The following AGBL1 variants were observed in gnomAD, a reference collection of about 807,000 sequenced individuals.
AGBL1 encodes the protein cytosolic carboxypeptidase 4.
A neutral mutation model predicts 118.9 loss-of-function variants in AGBL1; 130 were observed. The ratio of observed to expected loss-of-function variants is 1.09; its 90% confidence interval spans 0.95 to 1.26. The LOEUF is 1.26. Ranked by LOEUF, AGBL1 falls within the 50% of genes most tolerant of loss-of-function variation. The pLI is 0.00. For synonymous variants in AGBL1, 555 were observed against 478.9 expected (o/e 1.16, Z -2.08); for missense variants, 1,584 against 1,298.1 (o/e 1.22, Z -3.38).
At chr15:86,298,746 A>T (rs1336721675) in intron 17 of AGBL1, among the ~76,000 whole-genome samples, 1 of 152,080 alleles carries the variant, frequency 6.6e-6, no homozygotes, top group Non-Finnish European at 1.5e-5. Context: ...AGGAGGCATG[A>T]GTGGAAATAA....
rs2078440838 is a variant in AGBL1 at position 86,230,630 on chromosome 15, A to G, written c.526+5679A>G. Among the ~76,000 whole-genome samples, 5 of 152,346 alleles carry G rather than the reference A, an allele frequency of 3.3e-5. 1 individual carries two copies. In the South Asian group the frequency reaches 1.0e-3, roughly 32 times the overall value. ...TTCCTTTAGTTTCCAGATGAGGGCC[A>G]TGGAGTCAGACTACGAGAACTGGAA... On this transcript the variant is annotated intron_variant, in intron 6 of 22. Coordinates refer to ENST00000614907, the MANE Select transcript of AGBL1 (RefSeq NM_001386094.1).
At chr15:86,286,700 T>C (rs1397978547) in intron 16 of AGBL1, among the ~76,000 whole-genome samples, 1 of 148,952 alleles carries the variant, frequency 6.7e-6, no homozygotes, top group Non-Finnish European at 1.5e-5. Flanking sequence ...TATATATGTG[T>C]GTGTGTATAT....
intron 22 of AGBL1, among the ~76,000 whole-genome samples, chr15:86,828,802 A>G (rs781697097): frequency 2.6e-5 from 4 of 151,914 alleles, no homozygotes; most frequent in African/African-American, 4.8e-5. Flanking sequence ...CATTAGTATC[A>G]GCAAAAAGGA....
intron 5 of AGBL1, among the ~76,000 whole-genome samples, chr15:86,206,829 T>C (rs2078001348): frequency 2.0e-5 from 3 of 152,216 alleles, no homozygotes. Flanking sequence ...ATCCCATGTG[T>C]CTATTTTGGC....
intron 22 of AGBL1, among the ~76,000 whole-genome samples, chr15:86,747,586 G>C (rs56654055): frequency 6.6e-6 from 1 of 151,832 alleles, no homozygotes; most frequent in African/African-American, 2.4e-5. Context: ...CCATTAACTC[G>C]TCATTTACAT....
At chr15:86,195,942 G>T (rs564952922) in intron 5 of AGBL1, among the ~76,000 whole-genome samples, 1 of 152,280 alleles carries the variant, frequency 6.6e-6, no homozygotes, top group South Asian at 2.1e-4. Context: ...TTTTGTTGAG[G>T]ATCATAAGAC....
At chr15:86,364,567 G>A (rs528346466) in intron 17 of AGBL1, among the ~76,000 whole-genome samples, 2 of 152,112 alleles carry the variant, frequency 1.3e-5, no homozygotes, top group South Asian at 2.1e-4. Context: ...CACATGTTGT[G>A]TTAGAAAATA....
At chr15:86,553,562 A>C (rs2083691381) in intron 20 of AGBL1, among the ~76,000 whole-genome samples, 1 of 152,200 alleles carries the variant, frequency 6.6e-6, no homozygotes, top group African/African-American at 2.4e-5. Flanking sequence ...GAAAGAAGTG[A>C]ACTATATGTG....
chr15:86,444,403 T>C (rs777030708), intron 18 of AGBL1, among the ~76,000 whole-genome samples: 7 of 152,150 alleles, frequency 4.6e-5, no homozygotes, highest in Non-Finnish European at 1.0e-4. Flanking sequence ...CACTCAGCTA[T>C]TGCATGATGG....
intron 22 of AGBL1, among the ~76,000 whole-genome samples, chr15:86,880,219 A>G (rs1171276431): frequency 1.3e-5 from 2 of 152,234 alleles, no homozygotes; most frequent in Non-Finnish European, 2.9e-5. Context: ...ACCTAAATGC[A>G]TTTGAAAATC....
intron 7 of AGBL1, among the ~76,000 whole-genome samples, chr15:86,255,600 T>C (rs1325412452): frequency 6.6e-6 from 1 of 152,186 alleles, no homozygotes; most frequent in African/African-American, 2.4e-5. Context: ...CTAACCAACA[T>C]GGGGAAACCC....
At chr15:86,286,411 C>T (rs200966617) in intron 16 of AGBL1, among the ~76,000 whole-genome samples, 1 of 145,374 alleles carries the variant, frequency 6.9e-6, no homozygotes, top group Non-Finnish European at 1.5e-5. Flanking sequence ...GACGTTATTC[C>T]TCTTGTCTAA....
intron 22 of AGBL1, among the ~76,000 whole-genome samples, chr15:86,712,891 C>T (rs1395116989): frequency 3.3e-5 from 5 of 152,192 alleles, no homozygotes; most frequent in Non-Finnish European, 2.9e-5. Context: ...GATGGGGCTC[C>T]TGCCCTCTCC....
At chr15:86,418,622 C>T (rs1475787226) in intron 18 of AGBL1, among the ~76,000 whole-genome samples, 1 of 152,144 alleles carries the variant, frequency 6.6e-6, no homozygotes, top group East Asian at 1.9e-4. Flanking sequence ...TTTGCTCATC[C>T]TTAGTCTTGA....
In AGBL1 at chr15:86,158,944, G is replaced by T. The variant is rs369256384; in HGVS notation, c.406G>T (p.Ala136Ser). The T allele has an allele frequency of 6.2e-7, 1 of 1,613,278 alleles. No individual in the cohort carries two copies. The highest frequency in any genetic ancestry group is 1.1e-5 in the South Asian group (1 of 91,070). Residue 136 changes from alanine (A) to serine (S), a missense_variant, in exon 5 of 23, where the codon GCC (alanine) becomes TCC (serine). Physicochemically the swap from Ala to Ser is moderately conservative, Grantham distance 99 (BLOSUM62 1). Transcript: ENST00000614907. Reference protein sequence around the residue: ...RVFASSVSMGAMLGINGAMEL... With the variant: ...RVFASSVSMGSMLGINGAMEL... The stretch of plus-strand genomic sequence containing the variant: ...TTTGTTTTTCTTAGTCTCCATGGGA[G>T]CCATGCTGGGAATTAATGGAGCCAT...
intron 9 of AGBL1, among the ~76,000 whole-genome samples, chr15:86,261,567 G>A (rs2078984734): frequency 6.6e-6 from 1 of 152,036 alleles, no homozygotes; most frequent in Non-Finnish European, 1.5e-5. Flanking sequence ...TTTCAGTACT[G>A]CCAGGTTTTT....
rs138402400 is a variant in AGBL1 at position 86,636,758 on chromosome 15, TAC to T, written c.2995-37511_2995-37510del. On this transcript the variant is annotated intron_variant, in intron 21 of 22. Transcript: ENST00000614907. ...ATATATATATATATATATATATATA[TAC>T]ACATACATACAGAAAGGCAAGAGAA... 9.0e-3 allele frequency among the ~76,000 whole-genome samples: 269 copies of T among 29,946 alleles called. 29 individuals carry two copies. Among genetic ancestry groups the T allele is most frequent in the South Asian group, 0.02 (10 of 494 alleles). The allele number at this position is 29,946 out of a possible 152,430, so 19.6% of individuals were successfully genotyped here. A position where few individuals can be genotyped will look rare whatever the true frequency, so the allele number is the denominator to read the frequency against.
intron 4 of AGBL1, among the ~76,000 whole-genome samples, chr15:86,156,056 G>T (rs1190217541): frequency 6.6e-6 from 1 of 152,012 alleles, no homozygotes; most frequent in African/African-American, 2.4e-5. Flanking sequence ...CGAGTAGCTG[G>T]GATCACAGGG....
chr15:86,111,971 T>C (rs1897415539), intron 1 of AGBL1, among the ~76,000 whole-genome samples: 1 of 152,092 alleles, frequency 6.6e-6, no homozygotes, highest in Non-Finnish European at 1.5e-5. Flanking sequence ...CTGTGAGGGG[T>C]CTACGTTGCT....
Sources: gnomAD v4.1 joint callset for allele counts (sites outside exome capture counted in the v4.1 genomes callset) on GRCh38, gnomAD v4.1.1 for gene constraint, MANE v1.5 for transcripts, NCBI Gene and HGNC (gene_info 2026-07-23, HGNC 2026-07-21) for gene names.